The following MAN1A1 variants were observed in gnomAD, a reference collection of about 807,000 sequenced individuals.
The protein encoded by MAN1A1 is mannosidase alpha class 1A member 1.
A neutral mutation model predicts 70.8 loss-of-function variants in MAN1A1; 29 were observed. The observed-to-expected ratio is 0.41, with a 90% CI of 0.31 to 0.56. The LOEUF (loss-of-function observed/expected upper bound fraction) is 0.56, where lower values mean the gene tolerates loss of function less well. MAN1A1 is among the 20% of genes least tolerant of loss of function. MAN1A1 has a pLI of 0.29. For synonymous variants in MAN1A1, 349 were observed against 330.1 expected (o/e 1.06, Z -0.62); for missense variants, 747 against 841.3 (o/e 0.89, Z 1.39).
chr6:119,311,915 G>A (rs1032288591), intron 2 of MAN1A1, among the ~76,000 whole-genome samples: 2 of 152,072 alleles, frequency 1.3e-5, no homozygotes, highest in African/African-American at 4.8e-5. Flanking sequence ...CTGCTTGTTC[G>A]GGCTATTTTT....
intron 5 of MAN1A1, among the ~76,000 whole-genome samples, chr6:119,280,163 T>C (rs1720017701): frequency 6.6e-6 from 1 of 152,206 alleles, no homozygotes; most frequent in Admixed American, 6.5e-5. Context: ...CTCCTGTCCA[T>C]TCTTTCAATT....
rs1773836780 is a variant in MAN1A1, at chr6:119,349,268, C to A, written c.-203G>T. On this transcript the variant is annotated 5_prime_UTR_variant, in exon 2 of 13. Coordinates refer to ENST00000368468, the MANE Select transcript of MAN1A1 (RefSeq NM_005907.4). ...TCCTCGGGCACACAGGCACGCGCGA[C>A]AGACCGCTGGCTGCAGCCCCTGCGG... 1 of 1,213,636 alleles carries A rather than the reference C, an allele frequency of 8.2e-7. No homozygotes were observed. Among genetic ancestry groups the A allele is most frequent in the African/African-American group, 1.6e-5 (1 of 63,642 alleles). 75.2% of individuals were successfully genotyped at this position (1,213,636 alleles called of 1,614,324 possible). A position where few individuals can be genotyped will look rare whatever the true frequency, so the allele number is the denominator to read the frequency against.
At chr6:119,308,229 T>G (rs957576367) in intron 2 of MAN1A1, among the ~76,000 whole-genome samples, 1 of 152,132 alleles carries the variant, frequency 6.6e-6, no homozygotes, top group Admixed American at 6.5e-5. Context: ...AGGGTTCATC[T>G]CCAAGCTAGC....
chr6:119,189,566 A>G, intron 10 of MAN1A1, 98 bp downstream of exon 10: 1 of 1,029,126 alleles, frequency 9.7e-7, no homozygotes, highest in Non-Finnish European at 1.5e-6. Context: ...CAAGCTTCAT[A>G]GGCAGAGCGG....
chr6:119,291,167 A>G (rs1303632879), intron 4 of MAN1A1, among the ~76,000 whole-genome samples: 3 of 151,948 alleles, frequency 2.0e-5, no homozygotes, highest in Admixed American at 6.6e-5. Context: ...TGTTCTTGTG[A>G]TAGTGAATAA....
At chr6:119,280,881 G>T (rs1396526840) in intron 5 of MAN1A1, among the ~76,000 whole-genome samples, 2 of 152,186 alleles carry the variant, frequency 1.3e-5, no homozygotes, top group Admixed American at 1.3e-4. Context: ...AAAATGAGAA[G>T]TGACTGACCT....
chr6:119,348,421 A>C (rs1399229360), intron 2 of MAN1A1, 42 bp downstream of exon 2: 1 of 1,507,704 alleles, frequency 6.6e-7, no homozygotes, highest in Non-Finnish European at 9.0e-7. Flanking sequence ...CTCCCTGAAA[A>C]ACACGGCCGG....
chr6:119,341,454 C>T (rs1367831835), intron 2 of MAN1A1, among the ~76,000 whole-genome samples: 1 of 152,140 alleles, frequency 6.6e-6, no homozygotes, highest in African/African-American at 2.4e-5. Context: ...TACTTCTCAA[C>T]ACCTAAGAAG....
At chr6:119,190,998 A>G (rs2114933984) in intron 9 of MAN1A1, among the ~76,000 whole-genome samples, 1 of 152,336 alleles carries the variant, frequency 6.6e-6, no homozygotes, top group South Asian at 2.1e-4. Context: ...AATAATAGAC[A>G]CAGAAAAAAA....
At chr6:119,344,340 T>A (rs56855496) in intron 2 of MAN1A1, among the ~76,000 whole-genome samples, 3,005 of 152,304 alleles carry the variant, frequency 0.02, 106 homozygotes, top group African/African-American at 0.069. Context: ...CCCATTACTG[T>A]ATATATGTAT....
chr6:119,214,156 G>C (rs1297363616), intron 6 of MAN1A1, among the ~76,000 whole-genome samples: 3 of 152,034 alleles, frequency 2.0e-5, no homozygotes, highest in African/African-American at 7.2e-5. Context: ...AGTAGAGACG[G>C]GGTTTCAACA....
intron 2 of MAN1A1, among the ~76,000 whole-genome samples, chr6:119,336,251 G>A (rs577183162): frequency 6.6e-6 from 1 of 152,192 alleles, no homozygotes; most frequent in African/African-American, 2.4e-5. Flanking sequence ...TGTATTTTTC[G>A]TAGAGACAGG....
Position 119,348,608 on chromosome 6 carries a change from T to C in MAN1A1, c.458A>G (p.Glu153Gly). 1 of 1,613,940 alleles carries C rather than the reference T, an allele frequency of 6.2e-7. No homozygotes were observed. The highest frequency in any genetic ancestry group is 8.5e-7 in the Non-Finnish European group (1 of 1,179,922). Residue 153 changes from glutamate (E) to glycine (G), a missense_variant, in exon 2 of 13, where the codon GAG becomes GGG. Glu to Gly is a moderately conservative substitution (Grantham distance 98). This residue lies in a region of MAN1A1 where 328 missense variants were observed against 293.1 expected (regional missense o/e 1.12). Transcript: ENST00000368468. ...PEEIQRDILL[E>G]KKKVAQDQLR... ...CTGGTCCTGGGCCACCTTCTTCTTCTCCAGTAGGATGTCTCTTTGGATCTC... is the reference window on the plus strand; with the variant it reads ...CTGGTCCTGGGCCACCTTCTTCTTCCCCAGTAGGATGTCTCTTTGGATCTC...
rs182099969 is a variant in MAN1A1, at chr6:119,184,509, G to T, written c.1719+3896C>A. 1.6e-3 allele frequency among the ~76,000 whole-genome samples: 236 copies of T among 152,214 alleles called. 1 individual carries two copies. The highest frequency in any genetic ancestry group is 5.5e-3 in the African/African-American group (227 of 41,524). ...TGCTTGAGTGTCGTCTGAACTCAAG[G>T]ATAGAACACAGAGAATCAGGCACCT... On this transcript the variant is annotated intron_variant, in intron 11 of 12. Coordinates refer to ENST00000368468, the MANE Select transcript of MAN1A1 (RefSeq NM_005907.4).
chr6:119,320,133 C>T (rs989765574), intron 2 of MAN1A1, among the ~76,000 whole-genome samples: 5 of 152,166 alleles, frequency 3.3e-5, no homozygotes, highest in African/African-American at 1.2e-4. Flanking sequence ...ACCACCACGC[C>T]TGGCTAATTT....
intron 2 of MAN1A1, among the ~76,000 whole-genome samples, chr6:119,339,782 A>G (rs1773553845): frequency 6.6e-6 from 1 of 152,216 alleles, no homozygotes; most frequent in South Asian, 2.1e-4. Flanking sequence ...ATCTATTTCT[A>G]AAGCAAGCCT....
chr6:119,347,088 T>G (rs1337154188), intron 2 of MAN1A1, among the ~76,000 whole-genome samples: 2 of 152,198 alleles, frequency 1.3e-5, no homozygotes, highest in African/African-American at 4.8e-5. Flanking sequence ...AAAGCAGATA[T>G]GCTGATGGAC....
In MAN1A1 at chr6:119,325,654, G is replaced by A. The variant is rs1390954952; in HGVS notation, c.604-18662C>T. ...CGTGACAGAACAATACTCCGTCGCCGGGGGCAGGGGGATGTGGATTTTCAG... is the reference window on the plus strand; with the variant it reads ...CGTGACAGAACAATACTCCGTCGCCAGGGGCAGGGGGATGTGGATTTTCAG... On this transcript the variant is annotated intron_variant, in intron 2 of 12. Transcript: ENST00000368468. Among the ~76,000 whole-genome samples the A allele has an allele frequency of 5.9e-5, 9 of 152,194 alleles. No homozygotes were observed. In the East Asian group the frequency reaches 1.5e-3, roughly 26 times the overall value.
chr6:119,335,383 T>C (rs577124374), intron 2 of MAN1A1, among the ~76,000 whole-genome samples: 7 of 152,324 alleles, frequency 4.6e-5, no homozygotes, highest in African/African-American at 1.2e-4. Flanking sequence ...GAGGAATTAT[T>C]AACTCCATTT....
Sources: gnomAD v4.1 joint callset for allele counts (sites outside exome capture counted in the v4.1 genomes callset) on GRCh38, gnomAD v4.1.1 for gene constraint, gnomAD v4.1.1 regional missense constraint, MANE v1.5 for transcripts, NCBI Gene and HGNC (gene_info 2026-07-23, HGNC 2026-07-21) for gene names.